Variants in SEMA3D observed in about 807,000 individuals in gnomAD.
SEMA3D encodes semaphorin-3D.
Under a neutral mutation model 100.1 loss-of-function variants are expected in SEMA3D, and 84 were observed. That is an observed-to-expected ratio of 0.84 (90% CI 0.70 to 1.01). The LOEUF is 1.01. Ranked by LOEUF, SEMA3D falls within the 50% of genes least tolerant of loss-of-function variation. The probability of loss-of-function intolerance (pLI) is 0.00; values close to 1 mark genes in which losing one functional copy is unlikely to be tolerated. For synonymous variants in SEMA3D, 312 were observed against 320.7 expected (o/e 0.97, Z 0.29); for missense variants, 875 against 934.1 (o/e 0.94, Z 0.82).
At chr7:85,098,727 A>G (rs529533323) in intron 3 of SEMA3D, among the ~76,000 whole-genome samples, 2 of 151,986 alleles carry the variant, frequency 1.3e-5, no homozygotes, top group Admixed American at 1.3e-4. Context: ...TTGGTGTTGT[A>G]TATTTTATAT....
chr7:85,195,476 T>A, the SEMA3D span, among the ~76,000 whole-genome samples: 2 of 152,082 alleles, frequency 1.3e-5, no homozygotes, highest in South Asian at 4.2e-4. Context: ...AGAATCTGAG[T>A]CGCTCTCTCA....
intron 2 of SEMA3D, among the ~76,000 whole-genome samples, chr7:85,134,191 G>A (rs1789798193): frequency 6.6e-6 from 1 of 151,940 alleles, no homozygotes; most frequent in South Asian, 2.1e-4. Context: ...TTTATTGGAT[G>A]TGGAAATTGT....
rs111429977 is a variant in SEMA3D, at chr7:84,999,965, CAT to C, written c.1909-102_1909-101del. 849 of 887,726 alleles carry C rather than the reference CAT, an allele frequency of 9.6e-4. 4 individuals carry two copies. In the African/African-American group the frequency reaches 0.013, roughly 13 times the overall value. 55.0% of individuals were successfully genotyped at this position (887,726 alleles called of 1,614,324 possible). ...GTTTTACTTAGATGAATATGAAAGA[CAT>C]ATTCATTGTCTCTCTGTCTCTGTCA... is the stretch of plus-strand genomic sequence containing the variant. On this transcript the variant is annotated intron_variant, in intron 18 of 18. Transcript: ENST00000284136.
intron 4 of SEMA3D, among the ~76,000 whole-genome samples, chr7:85,090,891 A>C (rs2116280526): frequency 6.6e-6 from 1 of 152,290 alleles, no homozygotes; most frequent in Non-Finnish European, 1.5e-5. Flanking sequence ...ATGTAAAATT[A>C]TAAATTCATT....
the SEMA3D span, among the ~76,000 whole-genome samples, chr7:85,226,212 G>A: frequency 1.3e-5 from 2 of 151,656 alleles, no homozygotes; most frequent in Admixed American, 6.6e-5. Context: ...ATGACACTTC[G>A]TTAAAAAAAA....
chr7:85,150,413 TATAC>T (rs1327737416), intron 2 of SEMA3D, among the ~76,000 whole-genome samples: 23 of 144,020 alleles, frequency 1.6e-4, no homozygotes, highest in Non-Finnish European at 3.2e-4. Flanking sequence ...GATATATATA[TATAC>T]ACACACACAC....
intron 16 of SEMA3D, among the ~76,000 whole-genome samples, chr7:85,014,567 G>A (rs1408110011): frequency 6.6e-6 from 1 of 151,690 alleles, no homozygotes; most frequent in Non-Finnish European, 1.5e-5. Flanking sequence ...TATATGAGTG[G>A]CAGAAATTGA....
chr7:85,191,201 A>G (rs77827959), upstream of SEMA3D, among the ~76,000 whole-genome samples: 2 of 152,266 alleles, frequency 1.3e-5, no homozygotes, highest in East Asian at 3.9e-4. Flanking sequence ...CTTCTTGACT[A>G]CCAACATTCA....
the SEMA3D span, among the ~76,000 whole-genome samples, chr7:85,216,102 G>A: frequency 1.3e-5 from 2 of 152,022 alleles, no homozygotes; most frequent in African/African-American, 2.4e-5. Flanking sequence ...CATCAGAGAT[G>A]TCTTAAAATT....
the SEMA3D span, among the ~76,000 whole-genome samples, chr7:85,223,877 C>A: frequency 9.2e-5 from 14 of 151,660 alleles, no homozygotes; most frequent in Non-Finnish European, 1.8e-4. Context: ...ATCCGTGTAA[C>A]CCCCATTCCA....
At chr7:85,020,053 T>A (rs1182834212) in intron 14 of SEMA3D, among the ~76,000 whole-genome samples, 180 bp downstream of exon 14, 1 of 151,596 alleles carries the variant, frequency 6.6e-6, no homozygotes, top group Non-Finnish European at 1.5e-5. Flanking sequence ...CAGAGGAAGG[T>A]GAGTCCCATT....
intron 1 of SEMA3D, among the ~76,000 whole-genome samples, chr7:85,163,797 TA>T (rs1254001580): frequency 2.0e-5 from 3 of 152,122 alleles, no homozygotes; most frequent in African/African-American, 7.2e-5. Flanking sequence ...CTGATTCAAG[TA>T]AATAACCAAG....
intron 12 of SEMA3D, among the ~76,000 whole-genome samples, chr7:85,024,850 C>T (rs1048492239): frequency 1.6e-4 from 24 of 151,858 alleles, no homozygotes; most frequent in Middle Eastern, 3.4e-3. Flanking sequence ...GGAATTTTTG[C>T]GTTGATATCA....
the SEMA3D span, among the ~76,000 whole-genome samples, chr7:85,237,133 C>CT: frequency 6.6e-6 from 1 of 152,172 alleles, no homozygotes; most frequent in East Asian, 1.9e-4. Flanking sequence ...AATTAATAAA[C>CT]TTTTTTAGAG....
At chr7:85,192,537 C>T in the SEMA3D span, among the ~76,000 whole-genome samples, 3 of 152,090 alleles carry the variant, frequency 2.0e-5, no homozygotes, top group Non-Finnish European at 4.4e-5. Flanking sequence ...TTCTATCTTA[C>T]TAATCAGAAA....
At chr7:85,195,764 T>C in the SEMA3D span, among the ~76,000 whole-genome samples, 1 of 152,218 alleles carries the variant, frequency 6.6e-6, no homozygotes, top group African/African-American at 2.4e-5. Flanking sequence ...CTATATTTTT[T>C]AGAATTTACA....
the SEMA3D span, among the ~76,000 whole-genome samples, chr7:85,224,315 G>A: frequency 6.6e-6 from 1 of 152,180 alleles, no homozygotes; most frequent in Non-Finnish European, 1.5e-5. Flanking sequence ...AATGCCTGCA[G>A]CAAATCTTGA....
At chr7:85,003,626 AATT>A (rs1398401595) in intron 18 of SEMA3D, among the ~76,000 whole-genome samples, 1 of 151,908 alleles carries the variant, frequency 6.6e-6, no homozygotes, top group African/African-American at 2.4e-5. Context: ...TATAACATTA[AATT>A]ATTAATATCT....
chr7:85,036,124 G>GA (rs143080057), intron 12 of SEMA3D, among the ~76,000 whole-genome samples: 2 of 151,172 alleles, frequency 1.3e-5, no homozygotes, highest in South Asian at 2.1e-4. Context: ...AATCCAAAAT[G>GA]AAAAAAAAAT....
Sources: gnomAD v4.1 joint callset for allele counts (sites outside exome capture counted in the v4.1 genomes callset) on GRCh38, gnomAD v4.1.1 for gene constraint, MANE v1.5 for transcripts, NCBI Gene and HGNC (gene_info 2026-07-23, HGNC 2026-07-21) for gene names.